The following GABBR2 variants were observed in gnomAD, a reference collection of about 807,000 sequenced individuals.
GABBR2 encodes the protein G-protein coupled receptor 51.
Under a neutral mutation model 105.6 loss-of-function variants are expected in GABBR2, and 23 were observed. The observed-to-expected ratio is 0.22, with a 90% CI of 0.16 to 0.31. The LOEUF is 0.31. Ranked by LOEUF, GABBR2 falls within the 10% of genes least tolerant of loss-of-function variation. The probability of loss-of-function intolerance (pLI) is 1.00; values close to 1 mark genes in which losing one functional copy is unlikely to be tolerated. For synonymous variants in GABBR2, 478 were observed against 499.7 expected, an observed-to-expected ratio of 0.96 and a Z score of 0.58; for missense variants, 734 against 1,245.5, an observed-to-expected ratio of 0.59 and a Z score of 6.18.
At chr9:98,390,546 T>A (rs1427018393) in intron 9 of GABBR2, among the ~76,000 whole-genome samples, 1 of 152,036 alleles carries the variant, frequency 6.6e-6, no homozygotes, top group Non-Finnish European at 1.5e-5. Context: ...CTAACATTTA[T>A]AAGAAAAGTG....
chr9:98,304,512 G>T (rs1830519450), intron 15 of GABBR2, among the ~76,000 whole-genome samples: 1 of 152,220 alleles, frequency 6.6e-6, no homozygotes, highest in South Asian at 2.1e-4. Flanking sequence ...AAGAATGTCA[G>T]AGTGCAGGCA....
intron 1 of GABBR2, among the ~76,000 whole-genome samples, chr9:98,658,117 C>A (rs917892999): frequency 6.6e-6 from 1 of 152,154 alleles, no homozygotes; most frequent in East Asian, 1.9e-4. Flanking sequence ...AGACAAGAAA[C>A]GTGAGGTTCA....
chr9:98,652,744 G>C (rs567109150), intron 1 of GABBR2, among the ~76,000 whole-genome samples: 11 of 152,332 alleles, frequency 7.2e-5, no homozygotes, highest in African/African-American at 1.9e-4. Flanking sequence ...CTTTTCCAAG[G>C]CACTACAGGT....
At chr9:98,347,171 G>A (rs1003618502) in intron 13 of GABBR2, among the ~76,000 whole-genome samples, 3 of 152,098 alleles carry the variant, frequency 2.0e-5, no homozygotes, top group African/African-American at 7.2e-5. Flanking sequence ...TTCCATAATT[G>A]TTGTACTAAT....
chr9:98,409,811 T>C (rs1177787027), intron 7 of GABBR2, among the ~76,000 whole-genome samples: 1 of 152,196 alleles, frequency 6.6e-6, no homozygotes, highest in Non-Finnish European at 1.5e-5. Context: ...TTTTGACTTC[T>C]CCCGCTGCCC....
intron 7 of GABBR2, among the ~76,000 whole-genome samples, chr9:98,426,223 G>A (rs1825682344): frequency 6.6e-6 from 1 of 152,232 alleles, no homozygotes; most frequent in Non-Finnish European, 1.5e-5. Flanking sequence ...AGAACATCAT[G>A]TTGCTTTGCC....
chr9:98,529,456 A>G (rs1197636191), intron 3 of GABBR2, among the ~76,000 whole-genome samples: 64 of 152,252 alleles, frequency 4.2e-4, no homozygotes, highest in Admixed American at 4.2e-3. Flanking sequence ...GTATTTATTT[A>G]CACACATTCA....
intron 1 of GABBR2, among the ~76,000 whole-genome samples, chr9:98,624,766 C>T (rs901454231): frequency 6.6e-6 from 1 of 152,214 alleles, no homozygotes; most frequent in African/African-American, 2.4e-5. Context: ...AGGCCGGCTG[C>T]TGGCAAATGC....
rs537380094 is a variant in GABBR2 at position 98,493,507 on chromosome 9, C to T, written c.732+2906G>A. ...TATCTCACTGGATTGATCTATTTGG[C>T]GATTTCCTCTGAATTCTGGGAAAGT... On this transcript the variant is annotated intron_variant, in intron 4 of 18. Coordinates refer to ENST00000259455, the MANE Select transcript of GABBR2 (RefSeq NM_005458.8). Among the ~76,000 whole-genome samples the T allele has an allele frequency of 9.2e-5, 14 of 152,294 alleles. No homozygotes were observed. The South Asian group carries it at 1.5e-3, about 16-fold the overall frequency.
intron 12 of GABBR2, among the ~76,000 whole-genome samples, chr9:98,367,910 T>C (rs1831710148): frequency 6.6e-6 from 1 of 152,148 alleles, no homozygotes; most frequent in African/African-American, 2.4e-5. Flanking sequence ...CCAAGTTGGT[T>C]TTTATTGTTA....
At chr9:98,511,147 C>G (rs28772960) in intron 3 of GABBR2, among the ~76,000 whole-genome samples, 52,225 of 151,652 alleles carry the variant, frequency 0.34, 9,263 homozygotes, top group Middle Eastern at 0.49. Flanking sequence ...ACCTGCACCT[C>G]AATGACTACT....
rs186971120 is a variant in GABBR2, at chr9:98,439,245, G to C, written c.1236+14736C>G. ...TACCGTGGTTCCTTCTTGGGCACCT[G>C]TTGCTCTATTGGAAAAGCTGCCATT... On this transcript the variant is annotated intron_variant, in intron 7 of 18. Transcript: ENST00000259455. Among the ~76,000 whole-genome samples the C allele has an allele frequency of 1.4e-3, 213 of 152,250 alleles. 2 individuals carry two copies. The highest frequency in any genetic ancestry group is 8.1e-4 in the Non-Finnish European group (55 of 68,016).
chr9:98,324,741 T>C (rs563673253), intron 13 of GABBR2, among the ~76,000 whole-genome samples: 2 of 152,262 alleles, frequency 1.3e-5, no homozygotes, highest in African/African-American at 4.8e-5. Flanking sequence ...GCATCCCTCC[T>C]TCTGTGCTCT....
At chr9:98,414,824 C>T (rs1383836132) in intron 7 of GABBR2, among the ~76,000 whole-genome samples, 2 of 152,182 alleles carry the variant, frequency 1.3e-5, no homozygotes, top group Non-Finnish European at 2.9e-5. Context: ...TTCATGCTTC[C>T]CCGTTTTCCC....
At chr9:98,296,625 TA>T (rs1384534893) in intron 17 of GABBR2, among the ~76,000 whole-genome samples, 1 of 152,228 alleles carries the variant, frequency 6.6e-6, no homozygotes, top group African/African-American at 2.4e-5. Context: ...ATTCCTTTAA[TA>T]AGGAATGAGA....
rs1431684938 is a variant in GABBR2, at chr9:98,677,624, A to G, written c.321+30793T>C. Among the ~76,000 whole-genome samples the G allele has an allele frequency of 2.0e-5, 3 of 152,206 alleles. No individual in the cohort carries two copies. The East Asian group carries it at 5.8e-4, about 29-fold the overall frequency. Reference sequence around the variant, plus strand: ...GTCAAATCATGTCATTTCCCTGCTCAAAGTCCTCAAATGTCCCATGGCCAG... The same window carrying G: ...GTCAAATCATGTCATTTCCCTGCTCGAAGTCCTCAAATGTCCCATGGCCAG... On this transcript the variant is annotated intron_variant, in intron 1 of 18. Transcript: ENST00000259455.
In GABBR2 at chr9:98,323,901, C is replaced by T. The variant is rs573543731; in HGVS notation, c.1894-12696G>A. Among the ~76,000 whole-genome samples, 7 of 152,318 alleles carry T rather than the reference C, an allele frequency of 4.6e-5. No homozygotes were observed. In the South Asian group the frequency reaches 6.2e-4, roughly 14 times the overall value. On this transcript the variant is annotated intron_variant, in intron 13 of 18. Transcript: ENST00000259455. ...TTCTCTAAATCAGGACTCTGTACCA[C>T]GTGGGATCCCGGACAGAGCTATTCT... is the stretch of plus-strand genomic sequence containing the variant.
rs1832831303 is a variant in GABBR2 at position 98,424,073 on chromosome 9, A to G, written c.1237-17932T>C. ...GTATCATGATGAACATTGATACAAAAATCCTCAATAAAATACTGGCAAACC... is the reference window on the plus strand; with the variant it reads ...GTATCATGATGAACATTGATACAAAGATCCTCAATAAAATACTGGCAAACC... On this transcript the variant is annotated intron_variant, in intron 7 of 18. Coordinates refer to ENST00000259455, the MANE Select transcript of GABBR2 (RefSeq NM_005458.8). Among the ~76,000 whole-genome samples the G allele has an allele frequency of 2.6e-5, 4 of 152,138 alleles. No individual in the cohort carries two copies. In the South Asian group the frequency reaches 8.3e-4, roughly 32 times the overall value.
At chr9:98,317,288 CG>C (rs1273493363) in intron 13 of GABBR2, among the ~76,000 whole-genome samples, 1 of 152,240 alleles carries the variant, frequency 6.6e-6, no homozygotes, top group Non-Finnish European at 1.5e-5. Context: ...GCAGGAGGCA[CG>C]CAGAAGCTGC....
Sources: gnomAD v4.1 joint callset for allele counts (sites outside exome capture counted in the v4.1 genomes callset) on GRCh38, gnomAD v4.1.1 for gene constraint, MANE v1.5 for transcripts, NCBI Gene and HGNC (gene_info 2026-07-23, HGNC 2026-07-21) for gene names.